Variants in ZNF143 observed in about 807,000 individuals in gnomAD.
ZNF143 encodes SPH-binding factor.
In ZNF143, 49 loss-of-function variants were observed where a neutral mutation model predicts 74.1. The observed-to-expected ratio is 0.66, with a 90% CI of 0.53 to 0.84. The LOEUF (loss-of-function observed/expected upper bound fraction) is 0.84, where lower values mean the gene tolerates loss of function less well. ZNF143 is among the 40% of genes least tolerant of loss of function. The pLI is 0.00. For synonymous variants in ZNF143, 304 were observed against 282.8 expected (o/e 1.07, Z -0.75); for missense variants, 637 against 793.4 (o/e 0.80, Z 2.37).
At chr11:9,523,787 T>G (rs902462206) in intron 14 of ZNF143, among the ~76,000 whole-genome samples, 3 of 143,524 alleles carry the variant, frequency 2.1e-5, no homozygotes. Context: ...GGGGCTCACG[T>G]CTGTAATCCC....
intron 1 of ZNF143, among the ~76,000 whole-genome samples, chr11:9,462,329 A>G (rs535586387): frequency 1.3e-5 from 2 of 151,580 alleles, no homozygotes; most frequent in Non-Finnish European, 2.9e-5. Flanking sequence ...TAATTCACAT[A>G]CCTTACAGTT....
chr11:9,488,786 A>G (rs1377669), intron 7 of ZNF143, among the ~76,000 whole-genome samples: 19,730 of 152,144 alleles, frequency 0.13, 1,464 homozygotes, highest in Non-Finnish European at 0.16. Flanking sequence ...ATTATTTTAG[A>G]ATGTTGTGAT....
intron 7 of ZNF143, among the ~76,000 whole-genome samples, chr11:9,485,093 G>C (rs574348807): frequency 6.6e-6 from 1 of 150,454 alleles, no homozygotes; most frequent in Non-Finnish European, 1.5e-5. Flanking sequence ...CACCGCGCCC[G>C]GCCGCCAAAG....
Position 9,478,436 on chromosome 11 carries a change from T to G in ZNF143, c.420T>G (p.Gly140=), listed in dbSNP as rs1590529130. The change falls in exon 6 of 16, where the codon GGT becomes GGG. Residue 140 remains glycine, a synonymous_variant. Transcript: ENST00000396602. ...TACAGGCGGTTCAGCTGGAAGATGG[T>G]ACCACAGCTTATATCCACCATGCAG... ...SALQAVQLED[G]TTAYIHHAVQ... is the part of the protein sequence containing the mutation. 6.2e-7 allele frequency: 1 copy of G among 1,614,136 alleles called. No individual in the cohort carries two copies.
intron 13 of ZNF143, among the ~76,000 whole-genome samples, chr11:9,515,021 G>A (rs1325423649): frequency 2.6e-5 from 4 of 152,062 alleles, no homozygotes; most frequent in East Asian, 1.9e-4. Flanking sequence ...CCAGCTACTC[G>A]GGAGGCTGAG....
At chr11:9,498,683 TCAG>T (rs1369239922) in intron 10 of ZNF143, among the ~76,000 whole-genome samples, 1 of 152,212 alleles carries the variant, frequency 6.6e-6, no homozygotes, top group Non-Finnish European at 1.5e-5. Context: ...AAAAAAAAGT[TCAG>T]CAGCTGTTGA....
intron 5 of ZNF143, among the ~76,000 whole-genome samples, chr11:9,477,719 C>G (rs1036192359): frequency 6.6e-6 from 1 of 152,090 alleles, no homozygotes; most frequent in Non-Finnish European, 1.5e-5. Flanking sequence ...GGGGAAAAAA[C>G]CACCATGGAG....
Position 9,462,511 on chromosome 11 carries a change from C to T in ZNF143, c.-8+1435C>T, listed in dbSNP as rs983310199. On this transcript the variant is annotated intron_variant, in intron 1 of 15. Coordinates refer to ENST00000396602, the MANE Select transcript of ZNF143 (RefSeq NM_003442.6). ...CCAGGAGTTCCAGGCTGCAGTGAGC[C>T]GTGATTGTGCCACTGTACTCCCGTC... 3.3e-5 allele frequency among the ~76,000 whole-genome samples: 5 copies of T among 151,122 alleles called. No homozygotes were observed. In the East Asian group the frequency reaches 5.8e-4, roughly 18 times the overall value.
At chr11:9,520,025 ATTTT>A (rs954404348) in intron 14 of ZNF143, among the ~76,000 whole-genome samples, 10 of 91,384 alleles carry the variant, frequency 1.1e-4, no homozygotes, top group African/African-American at 3.8e-4. Context: ...GTTTCCACCA[ATTTT>A]TTTTTTTTTT....
intron 14 of ZNF143, among the ~76,000 whole-genome samples, chr11:9,521,741 A>G (rs151186397): frequency 1.3e-5 from 2 of 152,246 alleles, no homozygotes; most frequent in African/African-American, 4.8e-5. Flanking sequence ...AAAGATGTTC[A>G]TACTATTTCC....
intron 3 of ZNF143, 69 bp from the exon 4 acceptor site, chr11:9,473,872 A>G: frequency 1.2e-6 from 2 of 1,612,942 alleles, no homozygotes; most frequent in South Asian, 1.1e-5. Context: ...AGTTGATATC[A>G]TTTTGAAATT....
intron 13 of ZNF143, among the ~76,000 whole-genome samples, chr11:9,515,653 CAAA>C (rs57158902): frequency 5.8e-5 from 5 of 86,006 alleles, no homozygotes; most frequent in Non-Finnish European, 7.2e-5. Flanking sequence ...GACTCTGTCT[CAAA>C]AAAAAAAAAA....
Position 9,508,780 on chromosome 11 carries a change from C to T in ZNF143, c.1309C>T (p.Arg437Trp). 1 of 1,611,788 alleles carries T rather than the reference C, an allele frequency of 6.2e-7. No individual in the cohort carries two copies. The highest frequency in any genetic ancestry group is 8.5e-7 in the Non-Finnish European group (1 of 1,178,816). ...KQISTLAMHKRTAHNDTEPIE... is the reference protein window; with the variant it reads ...KQISTLAMHKWTAHNDTEPIE... ...GATCTCCACGCTGGCCATGCACAAA[C>T]GGACAGCCCACAACGACACTGAGCC... Residue 437 changes from arginine to tryptophan, a missense_variant, in exon 12 of 16, where the codon CGG becomes TGG. Around this residue, in one of 2 missense-constraint regions of ZNF143, gnomAD observed 344 missense variants for 485.6 expected, o/e 0.71. Coordinates refer to ENST00000396602, the MANE Select transcript of ZNF143 (RefSeq NM_003442.6).
intron 7 of ZNF143, among the ~76,000 whole-genome samples, chr11:9,482,116 G>T (rs987652036): frequency 2.1e-5 from 3 of 145,838 alleles, no homozygotes; most frequent in Non-Finnish European, 4.5e-5. Flanking sequence ...GACTACAGGC[G>T]CCCGCCACCA....
intron 11 of ZNF143, among the ~76,000 whole-genome samples, chr11:9,506,510 T>C (rs372332378): frequency 2.0e-5 from 3 of 152,338 alleles, no homozygotes; most frequent in African/African-American, 4.8e-5. Flanking sequence ...GCATATTGGA[T>C]GTATCTCTTT....
rs1412426808 is a variant in ZNF143, at chr11:9,471,956, G to T, written c.112+536G>T. The stretch of plus-strand genomic sequence containing the variant: ...TTTTGTTTTTTTTTTTTGAGACAAG[G>T]TCTTGCTTTATCGCCCAGGCTGGAG... On this transcript the variant is annotated intron_variant, in intron 2 of 15. Coordinates refer to ENST00000396602, the MANE Select transcript of ZNF143 (RefSeq NM_003442.6). Among the ~76,000 whole-genome samples, 6 of 137,790 alleles carry T rather than the reference G, an allele frequency of 4.4e-5. No homozygotes were observed. The South Asian group carries it at 7.0e-4, about 16-fold the overall frequency. 90.4% of individuals were successfully genotyped at this position (137,790 alleles called of 152,430 possible). A position where few individuals can be genotyped will look rare whatever the true frequency, so the allele number is the denominator to read the frequency against.
intron 7 of ZNF143, among the ~76,000 whole-genome samples, chr11:9,489,210 G>C (rs1274101161): frequency 6.6e-6 from 1 of 152,132 alleles, no homozygotes; most frequent in Non-Finnish European, 1.5e-5. Context: ...GGTCTGTTTT[G>C]AGTAATTAGA....
intron 9 of ZNF143, among the ~76,000 whole-genome samples, chr11:9,496,754 G>A (rs1311304702): frequency 6.6e-6 from 1 of 151,846 alleles, no homozygotes; most frequent in East Asian, 1.9e-4. Context: ...TCGTCATCAT[G>A]CCCGGCTCAT....
intron 1 of ZNF143, among the ~76,000 whole-genome samples, chr11:9,469,016 C>G (rs1326172993): frequency 6.6e-6 from 1 of 151,688 alleles, no homozygotes; most frequent in Non-Finnish European, 1.5e-5. Flanking sequence ...TACCTGTAAT[C>G]CCAGTTACTC....
Sources: gnomAD v4.1 joint callset for allele counts (sites outside exome capture counted in the v4.1 genomes callset) on GRCh38, gnomAD v4.1.1 for gene constraint, gnomAD v4.1.1 regional missense constraint, MANE v1.5 for transcripts, NCBI Gene and HGNC (gene_info 2026-07-23, HGNC 2026-07-21) for gene names.